The following ADAMTSL1 variants were observed in gnomAD, a reference collection of about 807,000 sequenced individuals.
ADAMTSL1 encodes ADAMTS like 1, also known as ADAMTS-like protein 1.
Under a neutral mutation model 201.8 loss-of-function variants are expected in ADAMTSL1, and 126 were observed. The ratio of observed to expected loss-of-function variants is 0.62; its 90% CI spans 0.54 to 0.72. ADAMTSL1 has a LOEUF of 0.72. Ranked by LOEUF, ADAMTSL1 falls within the 30% of genes least tolerant of loss-of-function variation. The pLI is 0.00. For synonymous variants in ADAMTSL1, 1,121 were observed against 903.4 expected (o/e 1.24, Z -4.32); for missense variants, 2,679 against 2,277.8 (o/e 1.18, Z -3.59).
At chr9:18,295,633 C>G (rs1472630473) in intron 2 of ADAMTSL1, among the ~76,000 whole-genome samples, 1 of 152,160 alleles carries the variant, frequency 6.6e-6, no homozygotes, top group Non-Finnish European at 1.5e-5. Context: ...CCACGGTGCC[C>G]GGCTGCAACT....
At chr9:18,860,241 T>TATC (rs1827125088) in intron 23 of ADAMTSL1, among the ~76,000 whole-genome samples, 1 of 152,246 alleles carries the variant, frequency 6.6e-6, no homozygotes, top group Non-Finnish European at 1.5e-5. Flanking sequence ...GGTAAAAATA[T>TATC]ATCTTGCCCA....
At position 18,099,356 on chromosome 9, in the gene ADAMTSL1, T is replaced by TATATATATATATATATATATATATATA. The variant is rs60877701; in HGVS notation, c.88-64506_88-64505insATATATATATATATATATATATATATA. ...ATATATATATATATATATATATATA[T>TATATATATATATATATATATATATATA]TTTTTTTTTTTTTTTTAACATCCAT... On this transcript the variant is annotated intron_variant, in intron 1 of 29. Transcript: ENST00000680146. Among the ~76,000 whole-genome samples, 36 of 39,636 alleles carry TATATATATATATATATATATATATATA rather than the reference T, an allele frequency of 9.1e-4. 1 individual carries two copies. Among genetic ancestry groups the TATATATATATATATATATATATATATA allele is most frequent in the South Asian group, 1.8e-3 (2 of 1,104 alleles). 26.0% of individuals were successfully genotyped at this position (39,636 alleles called of 152,430 possible). A position where few individuals can be genotyped will look rare whatever the true frequency, so the allele number is the denominator to read the frequency against.
intron 2 of ADAMTSL1, among the ~76,000 whole-genome samples, chr9:18,380,532 T>C (rs1382120725): frequency 6.6e-6 from 1 of 152,186 alleles, no homozygotes; most frequent in Non-Finnish European, 1.5e-5. Context: ...TTTTCAGTTA[T>C]AAATAATTTT....
At chr9:18,424,581 G>A (rs995047272) in intron 2 of ADAMTSL1, among the ~76,000 whole-genome samples, 1 of 152,270 alleles carries the variant, frequency 6.6e-6, no homozygotes, top group South Asian at 2.1e-4. Flanking sequence ...TTAGAAAAAT[G>A]CAAGAATAAA....
intron 1 of ADAMTSL1, among the ~76,000 whole-genome samples, chr9:17,949,387 C>G (rs1554669005): frequency 6.6e-6 from 1 of 152,044 alleles, no homozygotes; most frequent in Non-Finnish European, 1.5e-5. Flanking sequence ...GTCAGTTGGT[C>G]AGAGGAAAGA....
At chr9:18,155,931 G>T (rs1006157239) in intron 1 of ADAMTSL1, among the ~76,000 whole-genome samples, 9 of 152,090 alleles carry the variant, frequency 5.9e-5, no homozygotes, top group Admixed American at 5.9e-4. Context: ...TGAGGGGTCA[G>T]AGGATGCTGG....
At chr9:18,712,328 G>A (rs989272191) in intron 14 of ADAMTSL1, among the ~76,000 whole-genome samples, 1 of 152,016 alleles carries the variant, frequency 6.6e-6, no homozygotes, top group Non-Finnish European at 1.5e-5. Flanking sequence ...CAAACCAAAG[G>A]CAAAGAAGTT....
chr9:18,194,605 T>A (rs950104353), intron 2 of ADAMTSL1, among the ~76,000 whole-genome samples: 1 of 152,044 alleles, frequency 6.6e-6, no homozygotes, highest in Non-Finnish European at 1.5e-5. Context: ...GCTGCAGAGG[T>A]CACCCTCCAG....
chr9:18,792,834 T>TA (rs1389721473), intron 19 of ADAMTSL1, among the ~76,000 whole-genome samples: 1 of 152,246 alleles, frequency 6.6e-6, no homozygotes, highest in South Asian at 2.1e-4. Context: ...TTGTATGGTT[T>TA]ACCAAAGATA....
intron 1 of ADAMTSL1, among the ~76,000 whole-genome samples, chr9:18,083,649 G>T (rs1587005765): frequency 6.6e-6 from 1 of 152,192 alleles, no homozygotes; most frequent in South Asian, 2.1e-4. Flanking sequence ...TCTAAACACA[G>T]TGCAACTGGG....
intron 3 of ADAMTSL1, among the ~76,000 whole-genome samples, chr9:18,565,215 T>A (rs1365278891): frequency 2.6e-5 from 4 of 152,222 alleles, no homozygotes; most frequent in African/African-American, 9.6e-5. Context: ...TTTAAAGCTT[T>A]CAATATACCT....
At chr9:17,919,757 A>C (rs930884073) in intron 1 of ADAMTSL1, among the ~76,000 whole-genome samples, 1 of 152,076 alleles carries the variant, frequency 6.6e-6, no homozygotes, top group African/African-American at 2.4e-5. Context: ...CTTTTTAGCT[A>C]TTATGAGTAA....
intron 2 of ADAMTSL1, among the ~76,000 whole-genome samples, chr9:18,174,140 T>C (rs551272999): frequency 6.6e-6 from 1 of 152,154 alleles, no homozygotes; most frequent in Non-Finnish European, 1.5e-5. Flanking sequence ...CACCAAAGAA[T>C]AGTTTATTGC....
At chr9:18,744,787 T>C (rs1276162428) in intron 15 of ADAMTSL1, among the ~76,000 whole-genome samples, 1 of 152,252 alleles carries the variant, frequency 6.6e-6, no homozygotes, top group African/African-American at 2.4e-5. Flanking sequence ...TCCTGTATTA[T>C]GCCTCAATAT....
At chr9:18,459,257 T>C (rs1348013373) in intron 2 of ADAMTSL1, among the ~76,000 whole-genome samples, 4 of 152,212 alleles carry the variant, frequency 2.6e-5, no homozygotes, top group African/African-American at 4.8e-5. Flanking sequence ...GTTTGTTTTT[T>C]ATATTACAAA....
At chr9:18,296,694 T>C (rs1233467344) in intron 2 of ADAMTSL1, among the ~76,000 whole-genome samples, 1 of 152,226 alleles carries the variant, frequency 6.6e-6, no homozygotes, top group Non-Finnish European at 1.5e-5. Flanking sequence ...CTATGTATTT[T>C]ACTAGTTTAA....
At chr9:18,385,162 C>T (rs1837740355) in intron 2 of ADAMTSL1, among the ~76,000 whole-genome samples, 1 of 152,170 alleles carries the variant, frequency 6.6e-6, no homozygotes, top group South Asian at 2.1e-4. Context: ...AGAGTCTGGG[C>T]TATTTTTCTC....
chr9:18,582,888 A>T (rs534285213), intron 4 of ADAMTSL1, among the ~76,000 whole-genome samples: 4 of 150,418 alleles, frequency 2.7e-5, no homozygotes, highest in East Asian at 3.9e-4. Context: ...AAAATAAAAT[A>T]AAAATAAAAT....
chr9:18,906,217 C>G (rs964153477), intron 27 of ADAMTSL1, among the ~76,000 whole-genome samples: 2 of 152,210 alleles, frequency 1.3e-5, no homozygotes, highest in African/African-American at 4.8e-5. Context: ...CAGCGGCCAC[C>G]AAGTCTCAAA....
Sources: gnomAD v4.1 joint callset for allele counts (sites outside exome capture counted in the v4.1 genomes callset) on GRCh38, gnomAD v4.1.1 for gene constraint, MANE v1.5 for transcripts, NCBI Gene and HGNC (gene_info 2026-07-23, HGNC 2026-07-21) for gene names.